SOX6: variants seen among roughly 807,000 people sequenced by gnomAD.
The protein encoded by SOX6 is SRY-box transcription factor 6.
Under a neutral mutation model 97.8 loss-of-function variants are expected in SOX6, and 11 were observed. The observed-to-expected ratio is 0.11, with a 90% CI of 0.07 to 0.19. The LOEUF is 0.19. Ranked by LOEUF, SOX6 falls within the 10% of genes least tolerant of loss-of-function variation. The pLI is 1.00. For missense variants in SOX6, 810 were observed against 1,039.5 expected (o/e 0.78, Z 3.04); for synonymous variants, 360 against 371.4 (o/e 0.97, Z 0.35).
intron 3 of SOX6, among the ~76,000 whole-genome samples, chr11:16,244,294 T>C (rs1325368269): frequency 1.3e-5 from 2 of 151,908 alleles, no homozygotes; most frequent in African/African-American, 2.4e-5. Flanking sequence ...ATATGCTTTT[T>C]GACCATTCAT....
chr11:16,113,130 T>C (rs760957092), intron 6 of SOX6, among the ~76,000 whole-genome samples: 14 of 152,162 alleles, frequency 9.2e-5, no homozygotes, highest in Middle Eastern at 3.2e-3. Flanking sequence ...CCTGTCCCTG[T>C]TCCCTTCATA....
rs545469577 is a variant in SOX6, at chr11:16,286,151, T to A, written c.445+32295A>T. On this transcript the variant is annotated intron_variant, in intron 3 of 15. Transcript: ENST00000683767. ...TTCTTGCCTCTGGAGAGGATTTCCT[T>A]CTCGAATAAGAGAATGTCTTTTACA... Among the ~76,000 whole-genome samples the A allele has an allele frequency of 8.2e-4, 125 of 152,236 alleles. 1 individual carries two copies. The South Asian group carries it at 0.025, about 31-fold the overall frequency.
In SOX6 at chr11:16,607,188, C is replaced by G. The variant is rs1848344608; in HGVS notation, n.609+4893G>C. 1 of 152,842 alleles carries G rather than the reference C, an allele frequency of 6.5e-6. No homozygotes were observed. The highest frequency in any genetic ancestry group is 2.4e-5 in the African/African-American group (1 of 41,478). 9.5% of individuals were successfully genotyped at this position (152,842 alleles called of 1,614,324 possible). A position where few individuals can be genotyped will look rare whatever the true frequency, so the allele number is the denominator to read the frequency against. On this transcript the variant is annotated intron_variant and non_coding_transcript_variant, in intron 4 of 5. Transcript: ENST00000524520. The surrounding 1 kb of genome is among the most constrained non-coding windows in gnomAD (Gnocchi z 6.5). ...CTCACAGAAACTAACCCTGGAGTGC[C>G]CGGAAGGGCAGGAGCGGAAGACGCC...
At chr11:16,167,229 A>T (rs141767650) in intron 6 of SOX6, among the ~76,000 whole-genome samples, 45 of 152,256 alleles carry the variant, frequency 3.0e-4, no homozygotes, top group Non-Finnish European at 5.9e-4. Context: ...AGTGAATGTC[A>T]ACTCCATTTT....
chr11:16,435,791 T>G (rs1011234056), intron 1 of SOX6, among the ~76,000 whole-genome samples: 1 of 152,154 alleles, frequency 6.6e-6, no homozygotes. Context: ...TTTTGTTTCT[T>G]CTTTTTGTTT....
intron 1 of SOX6, among the ~76,000 whole-genome samples, chr11:16,343,156 T>A (rs1332531652): frequency 6.6e-6 from 1 of 151,856 alleles, no homozygotes; most frequent in Non-Finnish European, 1.5e-5. Context: ...CCATAACTAC[T>A]ATTAGTAAAA....
At chr11:16,027,086 G>A (rs1183716560) in intron 12 of SOX6, among the ~76,000 whole-genome samples, 1 of 152,092 alleles carries the variant, frequency 6.6e-6, no homozygotes, top group Non-Finnish European at 1.5e-5. Context: ...GAATTAACTG[G>A]TGTCACATTG....
At chr11:16,286,806 TA>T (rs1180388070) in intron 3 of SOX6, among the ~76,000 whole-genome samples, 3 of 152,164 alleles carry the variant, frequency 2.0e-5, no homozygotes, top group Non-Finnish European at 4.4e-5. Flanking sequence ...TTGGGTTTAT[TA>T]TTTTTTGACA....
intron 4 of SOX6, chr11:16,484,427 A>G: frequency 1.3e-6 from 1 of 791,992 alleles, no homozygotes; most frequent in South Asian, 1.3e-5. Flanking sequence ...CTCATGGTAC[A>G]TGCACCACAG....
intron 10 of SOX6, among the ~76,000 whole-genome samples, chr11:16,050,945 T>G (rs16932497): frequency 0.012 from 1,836 of 152,230 alleles, 36 homozygotes; most frequent in African/African-American, 0.041. Context: ...AACTAGCTTT[T>G]AATGCCGTTG....
chr11:16,356,204 C>A lies in SOX6; in HGVS notation c.-115G>T, dbSNP rs1322746863. Among the ~76,000 whole-genome samples the A allele has an allele frequency of 6.6e-6, 1 of 151,184 alleles. No homozygotes were observed. The highest frequency in any genetic ancestry group is 1.5e-5 in the Non-Finnish European group (1 of 67,772). ...TGACACCTTCCCAAATCACAAGAAA[C>A]CTCTGACTGCCAACCAAAAAAAAAA... On this transcript the variant is annotated 5_prime_UTR_variant, in exon 1 of 16. Transcript: ENST00000683767.
At chr11:16,275,739 T>C (rs143853574) in intron 3 of SOX6, among the ~76,000 whole-genome samples, 11 of 152,276 alleles carry the variant, frequency 7.2e-5, no homozygotes, top group Admixed American at 1.3e-4. Context: ...ATAGAAACCA[T>C]ATATGCATTT....
chr11:16,729,941 T>C (rs2221243), intron 2 of SOX6, among the ~76,000 whole-genome samples: 125,690 of 151,312 alleles, frequency 0.83, 52,289 homozygotes, highest in Middle Eastern at 0.91. Context: ...ATAAAACAGA[T>C]CTTAAACCAA....
intron 1 of SOX6, among the ~76,000 whole-genome samples, chr11:16,474,427 A>G (rs1860199015): frequency 6.6e-6 from 1 of 152,190 alleles, no homozygotes; most frequent in Non-Finnish European, 1.5e-5. Flanking sequence ...CTGAAATAAT[A>G]AGACTTGAAA....
intron 3 of SOX6, among the ~76,000 whole-genome samples, chr11:16,290,999 C>G (rs1854893629): frequency 6.6e-6 from 1 of 151,984 alleles, no homozygotes; most frequent in Admixed American, 6.6e-5. Context: ...ACACCTAATA[C>G]TATTCATTAT....
intron 1 of SOX6, among the ~76,000 whole-genome samples, chr11:16,426,913 CAAAAAAA>C (rs34720074): frequency 6.4e-5 from 4 of 62,656 alleles, no homozygotes; most frequent in Non-Finnish European, 1.1e-4. Flanking sequence ...GACTCCGTCT[CAAAAAAA>C]AAAAAAAAAA....
chr11:16,344,117 A>G (rs1284400584), intron 1 of SOX6, among the ~76,000 whole-genome samples: 1 of 151,962 alleles, frequency 6.6e-6, no homozygotes, highest in Non-Finnish European at 1.5e-5. Context: ...TTACTTTATT[A>G]TAGTTCTCAA....
intron 6 of SOX6, among the ~76,000 whole-genome samples, chr11:16,171,275 C>A (rs1180081998): frequency 6.6e-6 from 1 of 151,944 alleles, no homozygotes. Flanking sequence ...ATAAGTAAAA[C>A]CAGATCTACC....
chr11:16,400,125 G>A (rs961296639), intron 1 of SOX6, among the ~76,000 whole-genome samples: 8 of 151,342 alleles, frequency 5.3e-5, no homozygotes, highest in East Asian at 1.9e-4. Flanking sequence ...AGACACTGGC[G>A]AATATGAGGA....
Sources: gnomAD v4.1 joint callset for allele counts (sites outside exome capture counted in the v4.1 genomes callset) on GRCh38, gnomAD v4.1.1 for gene constraint, Gnocchi (gnomAD v3.1) non-coding constraint, MANE v1.5 for transcripts, NCBI Gene and HGNC (gene_info 2026-07-23, HGNC 2026-07-21) for gene names.